The following PTPRD variants were observed in gnomAD, a reference collection of about 807,000 sequenced individuals.
The protein encoded by PTPRD is protein tyrosine phosphatase receptor type D.
Under a neutral mutation model 214.5 loss-of-function variants are expected in PTPRD, and 34 were observed. The observed-to-expected ratio is 0.16, with a 90% CI of 0.12 to 0.21. The LOEUF (loss-of-function observed/expected upper bound fraction) is 0.21, where lower values mean the gene tolerates loss of function less well. Ranked by LOEUF, PTPRD falls within the 10% of genes least tolerant of loss-of-function variation. The pLI is 1.00. For missense variants in PTPRD, 2,545 were observed against 2,398.7 expected (o/e 1.06, Z -1.27); for synonymous variants, 1,128 against 845.7 (o/e 1.33, Z -5.79).
chr9:10,480,106 G>T (rs980776893), intron 2 of PTPRD, among the ~76,000 whole-genome samples: 2 of 130,872 alleles, frequency 1.5e-5, no homozygotes, highest in African/African-American at 5.6e-5. Context: ...ATTTTGCTGG[G>T]CAGGGAGAAA....
Position 8,368,122 on chromosome 9 carries a change from C to T in PTPRD, c.4661+7814G>A, listed in dbSNP as rs1374094442. Among the ~76,000 whole-genome samples, 8 of 152,102 alleles carry T rather than the reference C, an allele frequency of 5.3e-5. No homozygotes were observed. The South Asian group carries it at 1.2e-3, about 24-fold the overall frequency. On this transcript the variant is annotated intron_variant, in intron 39 of 45. Coordinates refer to ENST00000381196, the MANE Select transcript of PTPRD (RefSeq NM_002839.4). ...ATTTGTAGGTTAGGGACAGTTCTAC[C>T]CCCATTTGTAGGATACACATTGAGC...
chr9:8,468,815 A>C (rs1356423777), intron 31 of PTPRD, among the ~76,000 whole-genome samples: 1 of 150,384 alleles, frequency 6.6e-6, no homozygotes, highest in East Asian at 2.0e-4. Context: ...AAAAAAAAAA[A>C]AACTCTCTGT....
chr9:8,496,791 T>C (rs1415831296), intron 26 of PTPRD, among the ~76,000 whole-genome samples: 2 of 152,210 alleles, frequency 1.3e-5, no homozygotes, highest in Non-Finnish European at 2.9e-5. Context: ...TTATCCAACA[T>C]GCAGCCCAAC....
intron 11 of PTPRD, among the ~76,000 whole-genome samples, chr9:8,770,709 T>C (rs368382371): frequency 1.3e-5 from 2 of 152,232 alleles, no homozygotes; most frequent in East Asian, 1.9e-4. Flanking sequence ...TTTTATGTAA[T>C]GTATGTTCCA....
chr9:9,290,912 T>C (rs1013731922), intron 9 of PTPRD, among the ~76,000 whole-genome samples: 4 of 151,476 alleles, frequency 2.6e-5, no homozygotes, highest in Non-Finnish European at 5.9e-5. Flanking sequence ...AGTGAGATTA[T>C]ATCATTAAAT....
At chr9:9,860,599 C>G (rs1192968384) in intron 5 of PTPRD, among the ~76,000 whole-genome samples, 1 of 152,174 alleles carries the variant, frequency 6.6e-6, no homozygotes, top group Non-Finnish European at 1.5e-5. Flanking sequence ...GAATACCAGT[C>G]TCTGATGATG....
chr9:9,965,381 G>T (rs1337060436), intron 4 of PTPRD, among the ~76,000 whole-genome samples: 1 of 152,090 alleles, frequency 6.6e-6, no homozygotes, highest in Non-Finnish European at 1.5e-5. Flanking sequence ...GACTGGTGAG[G>T]CAGGTATAAA....
At chr9:8,541,848 C>T (rs190428000) in intron 14 of PTPRD, among the ~76,000 whole-genome samples, 1 of 152,032 alleles carries the variant, frequency 6.6e-6, no homozygotes, top group Non-Finnish European at 1.5e-5. Flanking sequence ...AAAGCAAACA[C>T]AGGATAGAAA....
At chr9:8,798,337 AT>A (rs965216979) in intron 11 of PTPRD, among the ~76,000 whole-genome samples, 2 of 152,156 alleles carry the variant, frequency 1.3e-5, no homozygotes, top group African/African-American at 4.8e-5. Flanking sequence ...CACTTTAAAA[AT>A]TTTTTAACAG....
chr9:8,542,252 C>G (rs745460202), intron 14 of PTPRD, among the ~76,000 whole-genome samples: 1 of 151,972 alleles, frequency 6.6e-6, no homozygotes, highest in African/African-American at 2.4e-5. Context: ...TCGCTTATCA[C>G]AAAATTGGCA....
chr9:9,615,053 C>T (rs529952852), intron 7 of PTPRD, among the ~76,000 whole-genome samples: 63 of 152,230 alleles, frequency 4.1e-4, no homozygotes, highest in Non-Finnish European at 7.5e-4. Flanking sequence ...GGGTCAGCAA[C>T]GTGGGTGTAA....
At chr9:10,167,018 T>G (rs773709598) in intron 3 of PTPRD, among the ~76,000 whole-genome samples, 1 of 152,168 alleles carries the variant, frequency 6.6e-6, no homozygotes, top group Non-Finnish European at 1.5e-5. Context: ...AAGTATTCAC[T>G]TTCAGAATTG....
intron 8 of PTPRD, chr9:9,414,744 A>G (rs1400180580): frequency 6.6e-6 from 1 of 152,212 alleles, no homozygotes; most frequent in African/African-American, 2.4e-5. Context: ...TAATCAACAA[A>G]TACTTACCAG....
At chr9:10,078,136 C>A (rs1316235244) in intron 3 of PTPRD, among the ~76,000 whole-genome samples, 2 of 151,666 alleles carry the variant, frequency 1.3e-5, no homozygotes, top group Admixed American at 6.6e-5. Context: ...GAAAAAAAAT[C>A]TTTAAACATA....
At chr9:10,459,196 G>A (rs547136645) in intron 2 of PTPRD, among the ~76,000 whole-genome samples, 1 of 152,186 alleles carries the variant, frequency 6.6e-6, no homozygotes, top group East Asian at 1.9e-4. Context: ...ATGGTTCCTA[G>A]CTTCATCCAT....
chr9:9,797,353 T>G (rs1190417976), intron 5 of PTPRD, among the ~76,000 whole-genome samples: 1 of 150,398 alleles, frequency 6.6e-6, no homozygotes, highest in Admixed American at 6.6e-5. Flanking sequence ...ATACTATAAA[T>G]TACATATTTA....
intron 39 of PTPRD, among the ~76,000 whole-genome samples, chr9:8,374,420 A>G (rs951683993): frequency 3.9e-5 from 6 of 151,998 alleles, no homozygotes; most frequent in Non-Finnish European, 8.8e-5. Context: ...CCAGAAGTCT[A>G]CTTTCATGAT....
Position 9,230,143 on chromosome 9 carries a change from G to T in PTPRD, c.-202-46780C>A, listed in dbSNP as rs566179912. ...TTTGTTATTCATAAGCAAATCTTTT[G>T]ATCACACTTGAGTTTATGCTAATGA... On this transcript the variant is annotated intron_variant, in intron 9 of 45. Transcript: ENST00000381196. 5.3e-5 allele frequency among the ~76,000 whole-genome samples: 8 copies of T among 152,192 alleles called. No homozygotes were observed. In the South Asian group the frequency reaches 1.5e-3, roughly 28 times the overall value.
chr9:8,315,330 G>A lies in PTPRD; in HGVS notation c.*2544C>T, dbSNP rs996231020. 1.3e-5 allele frequency: 3 copies of A among 232,450 alleles called. No individual in the cohort carries two copies. The highest frequency in any genetic ancestry group is 2.6e-5 in the Non-Finnish European group (3 of 117,386). The allele number at this position is 232,450 out of a possible 1,614,324, so 14.4% of individuals were successfully genotyped here. On this transcript the variant is annotated 3_prime_UTR_variant, in exon 46 of 46. Coordinates refer to ENST00000381196, the MANE Select transcript of PTPRD (RefSeq NM_002839.4). The stretch of plus-strand genomic sequence containing the variant: ...TGTCATCTTTCCCTTTGCCAAATGG[G>A]CAGTTATTGTTTCAGGGAGAGAAGC...
Sources: allele counts gnomAD v4.1 joint callset (sites outside exome capture counted in the v4.1 genomes callset), GRCh38; gene constraint gnomAD v4.1.1; transcripts MANE v1.5; gene names NCBI Gene and HGNC (gene_info 2026-07-23, HGNC 2026-07-21).